MYPN: variants seen among roughly 807,000 people sequenced by gnomAD.
MYPN encodes the protein myopalladin.
A neutral mutation model predicts 129.4 loss-of-function variants in MYPN; 63 were observed. The ratio of observed to expected loss-of-function variants is 0.49; its 90% CI spans 0.40 to 0.60. MYPN has a LOEUF of 0.60. Among genes scored for constraint, MYPN ranks in the 20% least tolerant of loss-of-function variants. The probability of loss-of-function intolerance (pLI) is 0.00; values close to 1 mark genes in which losing one functional copy is unlikely to be tolerated. For missense variants in MYPN, 1,596 were observed against 1,635.4 expected (o/e 0.98, Z 0.42); for synonymous variants, 629 against 600.9 (o/e 1.05, Z -0.68).
intron 4 of MYPN, 53 bp downstream of exon 4, chr10:68,145,579 C>G (rs1310809191): frequency 4.2e-6 from 6 of 1,445,462 alleles, no homozygotes; most frequent in Admixed American, 3.4e-5. Flanking sequence ...CAATTAATAG[C>G]TCAAAGAGAA....
chr10:68,109,345 T>A (rs2042049976), upstream of MYPN: 1 of 316,650 alleles, frequency 3.2e-6, no homozygotes, highest in African/African-American at 2.2e-5. Context: ...AGGGAAATTC[T>A]ATAGGTAAAA....
chr10:68,195,419 G>A (rs1468790870), intron 14 of MYPN, 31 bp from the exon 15 acceptor site: 1 of 1,600,434 alleles, frequency 6.2e-7, no homozygotes, highest in Non-Finnish European at 8.6e-7. Flanking sequence ...GATTGTTCTT[G>A]TTTTAATCTT....
chr10:68,104,940 C>T (rs1016517335), upstream of MYPN, among the ~76,000 whole-genome samples: 5 of 151,996 alleles, frequency 3.3e-5, no homozygotes, highest in Admixed American at 6.6e-5. Flanking sequence ...CGCACCACCA[C>T]GCCCAGCTAA....
chr10:68,099,704 T>G (rs1260633024), intron 1 of MYPN, among the ~76,000 whole-genome samples: 1 of 152,168 alleles, frequency 6.6e-6, no homozygotes, highest in Non-Finnish European at 1.5e-5. Flanking sequence ...TTATTATGTA[T>G]TGTTGCTTCA....
At position 68,166,598 on chromosome 10, in the gene MYPN, G is replaced by C; in HGVS notation, c.1905G>C (p.Gln635His). The C allele has an allele frequency of 6.2e-7, 1 of 1,614,128 alleles. No homozygotes were observed. The highest frequency in any genetic ancestry group is 8.5e-7 in the Non-Finnish European group (1 of 1,180,002). The change falls in exon 10 of 20, where the codon CAG becomes CAC. Residue 635 changes from glutamine to histidine, a missense_variant. Coordinates refer to ENST00000358913, the MANE Select transcript of MYPN (RefSeq NM_032578.4). ...CTTTCCAGGAGAGGTTCAACGGACA[G>C]GCAACAAAAACCCCAGAGCCTTCTT... is the stretch of plus-strand genomic sequence containing the variant. ...PDSFQERFNG[Q>H]ATKTPEPSSP...
At chr10:68,145,353 G>T (rs1389585962) in intron 3 of MYPN, 122 bp from the exon 4 acceptor site, 2 of 779,250 alleles carry the variant, frequency 2.6e-6, no homozygotes, top group Non-Finnish European at 2.2e-6. Flanking sequence ...GATTCTGTAG[G>T]TATTCAGATA....
chr10:68,133,021 ATTTT>A (rs35346306), intron 2 of MYPN, among the ~76,000 whole-genome samples: 2 of 116,242 alleles, frequency 1.7e-5, no homozygotes, highest in Non-Finnish European at 1.7e-5. Context: ...GTAGACCTCA[ATTTT>A]TTTTTTTTTT....
At chr10:68,207,187 G>A (rs758942347) in intron 19 of MYPN, among the ~76,000 whole-genome samples, 2 of 152,122 alleles carry the variant, frequency 1.3e-5, no homozygotes, top group Non-Finnish European at 2.9e-5. Flanking sequence ...GAACCCAGGA[G>A]GCAGAGGTTG....
intron 2 of MYPN, among the ~76,000 whole-genome samples, chr10:68,133,663 C>T (rs149428498): frequency 1.2e-3 from 178 of 151,942 alleles, no homozygotes; most frequent in African/African-American, 4.0e-3. Flanking sequence ...ATACAATAAG[C>T]GAGAGGGGGC....
In MYPN at chr10:68,206,821, G is replaced by A. The variant is rs773992843; in HGVS notation, c.3711G>A (p.Lys1237=). 1.4e-5 allele frequency: 23 copies of A among 1,614,108 alleles called. No homozygotes were observed. The highest frequency in any genetic ancestry group is 1.7e-5 in the Non-Finnish European group (20 of 1,180,056). ...CCTGCCTTCTCATTCAGCCAGCCAA[G>A]AAATCAGACGCTGGATGGTACACGT... The part of the protein sequence containing the change: ...GYACLLIQPA[K]KSDAGWYTLS... The change falls in exon 19 of 20, where the codon AAG becomes AAA. Residue 1237 remains lysine, a synonymous_variant. Coordinates refer to ENST00000358913, the MANE Select transcript of MYPN (RefSeq NM_032578.4).
upstream of MYPN, among the ~76,000 whole-genome samples, chr10:68,108,523 T>A (rs947141530): frequency 2.0e-5 from 3 of 152,138 alleles, no homozygotes; most frequent in Non-Finnish European, 4.4e-5. Flanking sequence ...TATGACTTAA[T>A]TAAGAAAGCT....
intron 16 of MYPN, among the ~76,000 whole-genome samples, chr10:68,198,942 T>A (rs995926362): frequency 3.3e-5 from 5 of 151,840 alleles, no homozygotes; most frequent in African/African-American, 1.2e-4. Flanking sequence ...CATATACCTA[T>A]GTAACAAACC....
At position 68,166,637 on chromosome 10, in the gene MYPN, G is replaced by C. The variant is rs151017803; in HGVS notation, c.1944G>C (p.Glu648Asp). Residue 648 changes from glutamate to aspartate, a missense_variant, in exon 10 of 20, where the codon GAG becomes GAC. Glu to Asp is a conservative substitution (Grantham distance 45, BLOSUM62 2). Transcript: ENST00000358913. ...KTPEPSSPVK[E>D]PPPVLAKPKL... ...CAGAGCCTTCTTCCCCCGTGAAAGA[G>C]CCCCCTCCAGTTCTGGCCAAACCCA... 2 of 1,614,004 alleles carry C rather than the reference G, an allele frequency of 1.2e-6. No homozygotes were observed. Among genetic ancestry groups the C allele is most frequent in the African/African-American group, 2.7e-5 (2 of 74,978 alleles).
intron 1 of MYPN, among the ~76,000 whole-genome samples, chr10:68,088,158 G>A (rs2041915475): frequency 1.3e-5 from 2 of 152,168 alleles, no homozygotes; most frequent in Non-Finnish European, 2.9e-5. Flanking sequence ...TCCTTAATCA[G>A]GGTATTCATC....
At position 68,211,672 on chromosome 10, in the gene MYPN, G is replaced by A. The variant is rs41278500; in HGVS notation, c.*1217G>A. 0.035 allele frequency: 15,973 copies of A among 454,034 alleles called. 431 individuals are homozygous for A. Among genetic ancestry groups the A allele is most frequent in the Non-Finnish European group, 0.048 (10,773 of 226,782 alleles). The allele number at this position is 454,034 out of a possible 1,614,324, so 28.1% of individuals were successfully genotyped here. Reference sequence around the variant, plus strand: ...CTAGAAGAGTACCTAGCACAAAGTAGACATTCAATAAATATTTGCTGGTTG... The same window carrying A: ...CTAGAAGAGTACCTAGCACAAAGTAAACATTCAATAAATATTTGCTGGTTG... On this transcript the variant is annotated 3_prime_UTR_variant, in exon 20 of 20. Coordinates refer to ENST00000358913, the MANE Select transcript of MYPN (RefSeq NM_032578.4).
rs2134200602 is a variant in MYPN at position 68,174,462 on chromosome 10, A to G, written c.2370A>G (p.Thr790=). 1 of 1,614,150 alleles carries G rather than the reference A, an allele frequency of 6.2e-7. No homozygotes were observed. Among genetic ancestry groups the G allele is most frequent in the Non-Finnish European group, 8.5e-7 (1 of 1,180,036 alleles). ...ATGAGCCACTCCCACCAGGCCCAAC[A>G]GAACCAACACCACCACCATTCACAT... ...IQNEPLPPGP[T]EPTPPPFTFS... is the part of the protein sequence containing the mutation. The change falls in exon 11 of 20, where the codon ACA becomes ACG. Residue 790 remains threonine, a synonymous_variant. Transcript: ENST00000358913.
intron 6 of MYPN, 196 bp from the exon 7 acceptor site, chr10:68,158,290 C>T: frequency 1.7e-6 from 1 of 590,518 alleles, no homozygotes; most frequent in South Asian, 2.0e-5. Context: ...GCCACGCTCG[C>T]CTGCTAGAGC....
chr10:68,196,665 T>G (rs1343691030), intron 15 of MYPN, among the ~76,000 whole-genome samples: 1 of 151,806 alleles, frequency 6.6e-6, no homozygotes, highest in East Asian at 1.9e-4. Context: ...TGTATTTTTT[T>G]GTAAAGACGG....
intron 6 of MYPN, among the ~76,000 whole-genome samples, chr10:68,157,697 C>T (rs919218883): frequency 1.4e-5 from 2 of 147,256 alleles, no homozygotes; most frequent in African/African-American, 5.0e-5. Flanking sequence ...AAAAAATTAG[C>T]CGGGCGTGGT....
Sources: allele counts gnomAD v4.1 joint callset (sites outside exome capture counted in the v4.1 genomes callset), GRCh38; gene constraint gnomAD v4.1.1; transcripts MANE v1.5; gene names NCBI Gene and HGNC (gene_info 2026-07-23, HGNC 2026-07-21).